Variants in KIAA1549L observed in about 807,000 individuals in gnomAD.
The protein encoded by KIAA1549L is UPF0606 protein KIAA1549L.
In KIAA1549L, 88 loss-of-function variants were observed where a neutral mutation model predicts 160.7. The ratio of observed to expected loss-of-function variants is 0.55; its 90% CI spans 0.46 to 0.65. The LOEUF is 0.65. Among genes scored for constraint, KIAA1549L ranks in the 30% least tolerant of loss-of-function variants. KIAA1549L has a pLI of 0.00. For missense variants in KIAA1549L, 2,258 were observed against 2,437.5 expected (o/e 0.93, Z 1.55); for synonymous variants, 950 against 976.7 (o/e 0.97, Z 0.51).
chr11:33,548,684 C>T (rs1378769157), intron 4 of KIAA1549L, among the ~76,000 whole-genome samples: 3 of 152,174 alleles, frequency 2.0e-5, no homozygotes, highest in African/African-American at 7.2e-5. Flanking sequence ...TGAGTGCTGG[C>T]TGATTTTGAT....
At chr11:33,663,449 A>C (rs1302739834) in intron 20 of KIAA1549L, among the ~76,000 whole-genome samples, 1 of 152,114 alleles carries the variant, frequency 6.6e-6, no homozygotes, top group African/African-American at 2.4e-5. Context: ...AGAGTTTCTC[A>C]TGTCATCTTC....
chr11:33,580,432 G>T (rs547015837), intron 10 of KIAA1549L, among the ~76,000 whole-genome samples: 24 of 152,026 alleles, frequency 1.6e-4, no homozygotes, highest in South Asian at 1.2e-3. Context: ...AAATTAGCTG[G>T]GCATGGTGGT....
chr11:33,395,721 C>G (rs1407531127), intron 1 of KIAA1549L, among the ~76,000 whole-genome samples: 2 of 151,952 alleles, frequency 1.3e-5, no homozygotes, highest in African/African-American at 4.8e-5. Flanking sequence ...ATGGTTGTTA[C>G]CTCAAGATAA....
intron 1 of KIAA1549L, among the ~76,000 whole-genome samples, chr11:33,540,469 A>C (rs1031445174): frequency 6.6e-6 from 1 of 152,228 alleles, no homozygotes; most frequent in Admixed American, 6.5e-5. Flanking sequence ...GACTGCATGC[A>C]AAGTGTGAAA....
intron 1 of KIAA1549L, among the ~76,000 whole-genome samples, chr11:33,526,582 T>C (rs1239271062): frequency 6.6e-6 from 1 of 152,138 alleles, no homozygotes; most frequent in Non-Finnish European, 1.5e-5. Flanking sequence ...TAACAATCAC[T>C]GCAGTCTGTC....
intron 16 of KIAA1549L, among the ~76,000 whole-genome samples, chr11:33,622,769 C>T (rs1428645000): frequency 1.3e-5 from 2 of 152,186 alleles, no homozygotes; most frequent in African/African-American, 4.8e-5. Context: ...AATTACCAGG[C>T]AGGGCAATAC....
At chr11:33,633,838 A>G (rs903428862) in intron 16 of KIAA1549L, among the ~76,000 whole-genome samples, 2 of 152,138 alleles carry the variant, frequency 1.3e-5, no homozygotes, top group African/African-American at 2.4e-5. Flanking sequence ...TTACCTTCCT[A>G]TCTGCGCTTT....
chr11:33,653,422 CCT>C (rs1851952832), intron 17 of KIAA1549L, among the ~76,000 whole-genome samples: 1 of 152,232 alleles, frequency 6.6e-6, no homozygotes, highest in Non-Finnish European at 1.5e-5. Context: ...TAGGTTGACT[CCT>C]CTCTGAGCAC....
At chr11:33,399,159 G>T (rs939201388) in intron 1 of KIAA1549L, among the ~76,000 whole-genome samples, 3 of 152,086 alleles carry the variant, frequency 2.0e-5, no homozygotes, top group Admixed American at 2.0e-4. Flanking sequence ...CACCATGTTG[G>T]CCAGGCTTGT....
At chr11:33,557,858 G>T (rs1232668101) in intron 6 of KIAA1549L, among the ~76,000 whole-genome samples, 2 of 152,138 alleles carry the variant, frequency 1.3e-5, no homozygotes, top group African/African-American at 4.8e-5. Flanking sequence ...CTGCACTTCA[G>T]TCTGCGGGAC....
chr11:33,622,606 G>A (rs1564928435), intron 16 of KIAA1549L, among the ~76,000 whole-genome samples: 1 of 152,204 alleles, frequency 6.6e-6, no homozygotes, highest in Admixed American at 6.5e-5. Flanking sequence ...CTAACTGACA[G>A]GACCGAAGTC....
chr11:33,661,065 C>G, intron 20 of KIAA1549L, 51 bp downstream of exon 20: 1 of 1,513,558 alleles, frequency 6.6e-7, no homozygotes, highest in South Asian at 1.2e-5. Context: ...TAACACATGC[C>G]AAAAAGTAAA....
At chr11:33,456,651 A>G (rs911583) in intron 1 of KIAA1549L, among the ~76,000 whole-genome samples, 30,459 of 152,092 alleles carry the variant, frequency 0.2, 3,186 homozygotes, top group East Asian at 0.32. Context: ...GGCTCAAGCT[A>G]TCCTCCTGCC....
chr11:33,668,281 A>G lies in KIAA1549L; in HGVS notation c.*127A>G. ...TCTTTCTCACCCTCCATTTCTGAAAAGGTGAACTATGGGGCTTCTGGGAAC... is the reference window on the plus strand; with the variant it reads ...TCTTTCTCACCCTCCATTTCTGAAAGGGTGAACTATGGGGCTTCTGGGAAC... On this transcript the variant is annotated 3_prime_UTR_variant, in exon 21 of 21. Coordinates refer to ENST00000658780, the MANE Select transcript of KIAA1549L (RefSeq NM_012194.3). The G allele has an allele frequency of 1.1e-6, 1 of 882,058 alleles. No homozygotes were observed. Among genetic ancestry groups the G allele is most frequent in the South Asian group, 1.8e-5 (1 of 57,054 alleles). The allele number at this position is 882,058 out of a possible 1,614,324, so 54.6% of individuals were successfully genotyped here. A position where few individuals can be genotyped will look rare whatever the true frequency, so the allele number is the denominator to read the frequency against.
chr11:33,406,354 G>T (rs1424185357), intron 1 of KIAA1549L, among the ~76,000 whole-genome samples: 1 of 152,136 alleles, frequency 6.6e-6, no homozygotes, highest in Non-Finnish European at 1.5e-5. Context: ...GGTTCCTGCC[G>T]GCTGCGACTT....
chr11:33,403,346 CA>C (rs1334120917), intron 1 of KIAA1549L: 4 of 138,136 alleles, frequency 2.9e-5, no homozygotes, highest in Admixed American at 7.2e-5. Context: ...TGCAGACACG[CA>C]GACAGACACA....
intron 7 of KIAA1549L, among the ~76,000 whole-genome samples, chr11:33,561,393 C>T (rs1854854627): frequency 6.6e-6 from 1 of 152,196 alleles, no homozygotes; most frequent in Non-Finnish European, 1.5e-5. Context: ...AGTTTTGGTT[C>T]ATATGTCCTA....
intron 1 of KIAA1549L, among the ~76,000 whole-genome samples, chr11:33,391,008 C>T (rs1403370918): frequency 1.3e-5 from 2 of 152,176 alleles, no homozygotes; most frequent in Non-Finnish European, 2.9e-5. Context: ...ACCTAGGCTT[C>T]ACAGGCCAGT....
At chr11:33,447,282 G>T (rs1851630649) in intron 1 of KIAA1549L, among the ~76,000 whole-genome samples, 2 of 150,890 alleles carry the variant, frequency 1.3e-5, no homozygotes, top group Admixed American at 6.6e-5. Context: ...TAGGGCAGGG[G>T]CAAGAAGATA....
Sources: gnomAD v4.1 joint callset for allele counts (sites outside exome capture counted in the v4.1 genomes callset) on GRCh38, gnomAD v4.1.1 for gene constraint, MANE v1.5 for transcripts, NCBI Gene and HGNC (gene_info 2026-07-23, HGNC 2026-07-21) for gene names.